Variants in ARHGAP35 observed in about 807,000 individuals in gnomAD.
The protein encoded by ARHGAP35 is rho GTPase-activating protein 35.
Under a neutral mutation model 111.1 loss-of-function variants are expected in ARHGAP35, and 15 were observed. The observed-to-expected ratio is 0.13, with a 90% CI of 0.09 to 0.21. The LOEUF is 0.21. Among genes scored for constraint, ARHGAP35 ranks in the 10% least tolerant of loss-of-function variants. The probability of loss-of-function intolerance (pLI) is 1.00; values close to 1 mark genes in which losing one functional copy is unlikely to be tolerated. For synonymous variants in ARHGAP35, 643 were observed against 710.3 expected, an observed-to-expected ratio of 0.91 and a Z score of 1.51; for missense variants, 1,262 against 1,873.0, an observed-to-expected ratio of 0.67 and a Z score of 6.02.
chr19:46,880,848 GTT>G (rs971855783), intron 1 of ARHGAP35, among the ~76,000 whole-genome samples: 1 of 146,220 alleles, frequency 6.8e-6, no homozygotes, highest in Non-Finnish European at 1.5e-5. Flanking sequence ...ACTAATTTTT[GTT>G]TTTTTTTAAG....
rs773002163 is a variant in ARHGAP35, at chr19:46,911,216, A to G, written c.-188-7272A>G. Among the ~76,000 whole-genome samples, 126 of 152,300 alleles carry G rather than the reference A, an allele frequency of 8.3e-4. 3 individuals carry two copies. The highest frequency in any genetic ancestry group is 2.1e-4 in the Non-Finnish European group (14 of 68,026). On this transcript the variant is annotated intron_variant, in intron 1 of 6. Coordinates refer to ENST00000672722, the MANE Select transcript of ARHGAP35 (RefSeq NM_004491.5). Reference sequence around the variant, plus strand: ...AACTCTGCCAGTCTTTTAAGAACCAATTCAAATTTTACTTCTGCCTGATGC... The same window carrying G: ...AACTCTGCCAGTCTTTTAAGAACCAGTTCAAATTTTACTTCTGCCTGATGC...
chr19:46,864,822 T>C (rs568295188), intron 1 of ARHGAP35, among the ~76,000 whole-genome samples: 3 of 152,356 alleles, frequency 2.0e-5, no homozygotes, highest in African/African-American at 7.2e-5. Flanking sequence ...ATCTTAGAGT[T>C]TGTGTTACCC....
chr19:46,987,832 T>C (rs967356811), intron 3 of ARHGAP35, among the ~76,000 whole-genome samples, 157 bp from the exon 4 acceptor site: 1 of 152,324 alleles, frequency 6.6e-6, no homozygotes, highest in East Asian at 1.9e-4. Flanking sequence ...GGTTGAAGCA[T>C]CTAGAAAAAT....
chr19:46,875,003 G>A (rs1446491310), intron 1 of ARHGAP35, among the ~76,000 whole-genome samples: 1 of 146,014 alleles, frequency 6.8e-6, no homozygotes, highest in Non-Finnish European at 1.5e-5. Flanking sequence ...GTAGAGACGG[G>A]GTTTCACCAT....
At chr19:46,965,206 A>G (rs2056506711) in intron 3 of ARHGAP35, among the ~76,000 whole-genome samples, 1 of 152,146 alleles carries the variant, frequency 6.6e-6, no homozygotes, top group Non-Finnish European at 1.5e-5. Context: ...CCAGCTACTC[A>G]GGAGGCTGAA....
At chr19:46,898,382 A>C (rs2056068352) in intron 1 of ARHGAP35, among the ~76,000 whole-genome samples, 1 of 152,258 alleles carries the variant, frequency 6.6e-6, no homozygotes, top group African/African-American at 2.4e-5. Context: ...TTAAAAAGAA[A>C]AACAACTAAA....
At chr19:46,995,965 T>G (rs2056705063) in intron 5 of ARHGAP35, among the ~76,000 whole-genome samples, 1 of 152,152 alleles carries the variant, frequency 6.6e-6, no homozygotes, top group Admixed American at 6.5e-5. Flanking sequence ...CTAGTGCTGC[T>G]CAGTACTCAG....
chr19:46,977,984 CAG>C (rs1339771364), intron 3 of ARHGAP35, among the ~76,000 whole-genome samples: 5 of 152,154 alleles, frequency 3.3e-5, no homozygotes, highest in East Asian at 1.9e-4. Context: ...GTCTAGGAGT[CAG>C]GGGAGACCTC....
chr19:46,946,672 A>T (rs1407572792), intron 3 of ARHGAP35: 2 of 152,560 alleles, frequency 1.3e-5, no homozygotes, highest in African/African-American at 4.8e-5. Context: ...AGTAGCTGGG[A>T]CTACAGAAGT....
At chr19:46,902,859 A>G in intron 1 of ARHGAP35, among the ~76,000 whole-genome samples, 1 of 152,218 alleles carries the variant, frequency 6.6e-6, no homozygotes. Context: ...TCTATTGTAT[A>G]TGATTCTTCA....
chr19:46,980,423 A>T (rs1360975307), intron 3 of ARHGAP35, among the ~76,000 whole-genome samples: 4 of 152,020 alleles, frequency 2.6e-5, no homozygotes, highest in Non-Finnish European at 2.9e-5. Flanking sequence ...ATCTTGACAG[A>T]CTCATTAATG....
intron 1 of ARHGAP35, among the ~76,000 whole-genome samples, chr19:46,875,629 T>C (rs1225685807): frequency 6.6e-6 from 1 of 152,196 alleles, no homozygotes; most frequent in Non-Finnish European, 1.5e-5. Context: ...AAATACCTAT[T>C]TTGCTTGCCA....
At chr19:46,888,847 A>C (rs2056009445) in intron 1 of ARHGAP35, among the ~76,000 whole-genome samples, 1 of 144,864 alleles carries the variant, frequency 6.9e-6, no homozygotes, top group African/African-American at 2.8e-5. Context: ...CAAAAAAAAA[A>C]AAAAAAAAAA....
At chr19:46,973,629 T>TG (rs2056564118) in intron 3 of ARHGAP35, among the ~76,000 whole-genome samples, 1 of 151,762 alleles carries the variant, frequency 6.6e-6, no homozygotes. Context: ...AGGCAGAGCT[T>TG]GCAGTGAGCA....
chr19:46,997,705 A>G (rs948062254), intron 5 of ARHGAP35: 4 of 152,176 alleles, frequency 2.6e-5, no homozygotes, highest in African/African-American at 9.7e-5. Context: ...CTGCTCTTCC[A>G]AGTCTCACTC....
chr19:46,934,277 G>A (rs569265008), intron 2 of ARHGAP35, among the ~76,000 whole-genome samples: 1 of 152,228 alleles, frequency 6.6e-6, no homozygotes, highest in African/African-American at 2.4e-5. Context: ...AAAAAAAATA[G>A]GAAACATTTT....
intron 2 of ARHGAP35, among the ~76,000 whole-genome samples, chr19:46,928,856 C>T (rs948857433): frequency 7.3e-5 from 11 of 151,686 alleles, no homozygotes; most frequent in Non-Finnish European, 1.3e-4. Flanking sequence ...CTCTTGAACC[C>T]GGGAGGCAGA....
At chr19:46,929,591 CTTTTTTTT>C (rs55818906) in intron 2 of ARHGAP35, among the ~76,000 whole-genome samples, 13 of 93,052 alleles carry the variant, frequency 1.4e-4, no homozygotes, top group Non-Finnish European at 1.9e-4. Context: ...ACCTGTTACT[CTTTTTTTT>C]TTTTTTTTTT....
intron 3 of ARHGAP35, chr19:46,947,535 A>G (rs956852867): frequency 6.6e-6 from 1 of 152,088 alleles, no homozygotes; most frequent in Non-Finnish European, 1.5e-5. Flanking sequence ...AAAAACTCCA[A>G]CCCCATTTTT....
Sources: allele counts gnomAD v4.1 joint callset (sites outside exome capture counted in the v4.1 genomes callset), GRCh38; gene constraint gnomAD v4.1.1; transcripts MANE v1.5; gene names NCBI Gene and HGNC (gene_info 2026-07-23, HGNC 2026-07-21).